FRMD4B: variants seen among roughly 807,000 people sequenced by gnomAD.
FRMD4B encodes FERM domain containing 4B.
A neutral mutation model predicts 141.5 loss-of-function variants in FRMD4B; 74 were observed. That is an observed-to-expected ratio of 0.52 (90% CI 0.43 to 0.63). The LOEUF is 0.63. Among genes scored for constraint, FRMD4B ranks in the 30% least tolerant of loss-of-function variants. The pLI is 0.00. For synonymous variants in FRMD4B, 506 were observed against 467.9 expected, an observed-to-expected ratio of 1.08 and a Z score of -1.05; for missense variants, 1,366 against 1,253.4, an observed-to-expected ratio of 1.09 and a Z score of -1.36.
chr3:69,330,089 G>T lies in FRMD4B; in HGVS notation c.163-16572C>A, dbSNP rs1702315866. ...GGAATGTAAGTTCCACAAATGCAGA[G>T]ATTTGTTTCATTTCCTGGTGTTTTC... is the stretch of plus-strand genomic sequence containing the variant. On this transcript the variant is annotated intron_variant, in intron 1 of 22. Transcript: ENST00000398540. Among the ~76,000 whole-genome samples, 3 of 152,102 alleles carry T rather than the reference G, an allele frequency of 2.0e-5. No homozygotes were observed. The South Asian group carries it at 6.2e-4, about 32-fold the overall frequency.
chr3:69,342,825 A>T (rs977055944), intron 1 of FRMD4B, among the ~76,000 whole-genome samples: 2 of 152,186 alleles, frequency 1.3e-5, no homozygotes, highest in African/African-American at 4.8e-5. Context: ...GTCACCCTAT[A>T]GTGCTATACA....
intron 7 of FRMD4B, among the ~76,000 whole-genome samples, chr3:69,247,550 G>A (rs773774839): frequency 1.3e-5 from 2 of 152,098 alleles, no homozygotes; most frequent in Non-Finnish European, 2.9e-5. Context: ...GCAGTGGCGC[G>A]ATCTTGGCTC....
chr3:69,482,084 A>G (rs573590741), intron 1 of FRMD4B, among the ~76,000 whole-genome samples: 52 of 152,326 alleles, frequency 3.4e-4, no homozygotes, highest in African/African-American at 1.1e-3. Flanking sequence ...CTGTTTGGGG[A>G]CAAAAATCAT....
At chr3:69,365,505 G>GT (rs1553730860) in intron 1 of FRMD4B, among the ~76,000 whole-genome samples, 12 of 137,862 alleles carry the variant, frequency 8.7e-5, no homozygotes, top group Non-Finnish European at 1.8e-4. Context: ...TACAACCTTT[G>GT]TTTTTTTTCT....
intron 11 of FRMD4B, among the ~76,000 whole-genome samples, chr3:69,203,216 A>G (rs1489721222): frequency 6.7e-6 from 1 of 150,218 alleles, no homozygotes; most frequent in East Asian, 2.0e-4. Flanking sequence ...GTTAGATTCC[A>G]CTCACTTTTA....
intron 5 of FRMD4B, among the ~76,000 whole-genome samples, chr3:69,279,990 T>G (rs942441431): frequency 1.3e-5 from 2 of 152,036 alleles, no homozygotes; most frequent in Non-Finnish European, 2.9e-5. Flanking sequence ...GTCTTCAGAT[T>G]GCTGATTTAA....
At chr3:69,323,165 G>C (rs1455405216) in intron 1 of FRMD4B, 1 of 164,332 alleles carries the variant, frequency 6.1e-6, no homozygotes, top group African/African-American at 2.4e-5. Context: ...GTTTGCCAAA[G>C]CTGAAATTGA....
chr3:69,216,857 T>C (rs958267391), intron 10 of FRMD4B, among the ~76,000 whole-genome samples: 18 of 152,308 alleles, frequency 1.2e-4, no homozygotes, highest in African/African-American at 2.2e-4. Context: ...TAAGTTGAAA[T>C]AGTCCAGGAC....
intron 5 of FRMD4B, 56 bp downstream of exon 5, chr3:69,287,696 C>G: frequency 1.2e-6 from 1 of 858,350 alleles, no homozygotes; most frequent in Non-Finnish European, 2.0e-6. Context: ...CCATTTCTTC[C>G]TGTCATCCCA....
rs796607832 is a variant in FRMD4B at position 69,203,320 on chromosome 3, CAAAAAAAAAAAAAA to C, written c.877-4560_877-4547del. 3.2e-3 allele frequency among the ~76,000 whole-genome samples: 346 copies of C among 107,906 alleles called. 3 individuals carry two copies. Among genetic ancestry groups the C allele is most frequent in the African/African-American group, 0.013 (341 of 26,778 alleles). 70.8% of individuals were successfully genotyped at this position (107,906 alleles called of 152,430 possible). A position where few individuals can be genotyped will look rare whatever the true frequency, so the allele number is the denominator to read the frequency against. On this transcript the variant is annotated intron_variant, in intron 11 of 22. Coordinates refer to ENST00000398540, the MANE Select transcript of FRMD4B (RefSeq NM_015123.3). ...ATCTGAGGGTACTGTCAAACTTCAG[CAAAAAAAAAAAAAA>C]AAAAAAAAAAGAAAGAAAGAAAGAA...
At chr3:69,438,896 G>T (rs1018829002) in intron 1 of FRMD4B, among the ~76,000 whole-genome samples, 25 of 152,034 alleles carry the variant, frequency 1.6e-4, no homozygotes, top group Admixed American at 1.6e-3. Context: ...ACTAACAAAC[G>T]TTGTTTTTCA....
At chr3:69,460,539 T>A (rs950909020) in intron 1 of FRMD4B, among the ~76,000 whole-genome samples, 2 of 152,186 alleles carry the variant, frequency 1.3e-5, no homozygotes, top group African/African-American at 4.8e-5. Context: ...CACACCAGAA[T>A]CTTCTGGAAA....
intron 11 of FRMD4B, among the ~76,000 whole-genome samples, chr3:69,205,400 G>A (rs191441826): frequency 9.6e-4 from 146 of 152,126 alleles, no homozygotes; most frequent in Non-Finnish European, 1.7e-3. Context: ...GTAGAGATGG[G>A]GTCTTCCTGT....
intron 1 of FRMD4B, among the ~76,000 whole-genome samples, chr3:69,444,137 C>A (rs559858308): frequency 6.6e-6 from 1 of 152,274 alleles, no homozygotes; most frequent in African/African-American, 2.4e-5. Flanking sequence ...ATTCCCTAGC[C>A]CCCTGCCCAC....
Position 69,176,569 on chromosome 3 carries a change from G to T in FRMD4B, c.2939C>A (p.Thr980Asn). 1 of 1,611,548 alleles carries T rather than the reference G, an allele frequency of 6.2e-7. No homozygotes were observed. ...DYETPAHSSY[T>N]SCYGNVYNPL... ...ATTATAGACATTGCCATAGCAGCTGGTGTAAGAAGAATGTGCTGGAGTCTC... is the reference window on the plus strand; with the variant it reads ...ATTATAGACATTGCCATAGCAGCTGTTGTAAGAAGAATGTGCTGGAGTCTC... Residue 980 changes from threonine to asparagine, a missense_variant, in exon 22 of 23, where the codon ACC becomes AAC. Physicochemically the swap from Thr to Asn is moderately conservative, Grantham distance 65 (BLOSUM62 0). Transcript: ENST00000398540.
rs182107648 is a variant in FRMD4B at position 69,367,418 on chromosome 3, A to G, written c.162+18410T>C. 7.9e-5 allele frequency among the ~76,000 whole-genome samples: 12 copies of G among 152,270 alleles called. No individual in the cohort carries two copies. The East Asian group carries it at 2.3e-3, about 29-fold the overall frequency. Reference sequence around the variant, plus strand: ...CATACATGAACACATACATACACACATTGCTTGCATATATCCATAACAATA... The same window carrying G: ...CATACATGAACACATACATACACACGTTGCTTGCATATATCCATAACAATA... On this transcript the variant is annotated intron_variant, in intron 1 of 22. Coordinates refer to ENST00000398540, the MANE Select transcript of FRMD4B (RefSeq NM_015123.3).
chr3:69,313,286 T>C (rs762848384), intron 2 of FRMD4B, among the ~76,000 whole-genome samples, 166 bp downstream of exon 2: 1 of 152,244 alleles, frequency 6.6e-6, no homozygotes, highest in Non-Finnish European at 1.5e-5. Flanking sequence ...AGATGTTTTT[T>C]TCCCCTTGAT....
At chr3:69,182,910 G>A (rs1363834768) in intron 19 of FRMD4B, among the ~76,000 whole-genome samples, 193 bp from the exon 20 acceptor site, 2 of 152,130 alleles carry the variant, frequency 1.3e-5, no homozygotes, top group African/African-American at 4.8e-5. Flanking sequence ...CATATGGTCT[G>A]ACTTTCTGAG....
rs577275162 is a variant in FRMD4B at position 69,215,284 on chromosome 3, CTTTTT to C, written c.876+974_876+978del. Among the ~76,000 whole-genome samples, 44 of 45,218 alleles carry C rather than the reference CTTTTT, an allele frequency of 9.7e-4. 1 individual carries two copies. Among genetic ancestry groups the C allele is most frequent in the Admixed American group, 2.2e-3 (5 of 2,264 alleles). 29.7% of individuals were successfully genotyped at this position (45,218 alleles called of 152,430 possible). A position where few individuals can be genotyped will look rare whatever the true frequency, so the allele number is the denominator to read the frequency against. On this transcript the variant is annotated intron_variant, in intron 11 of 22. Coordinates refer to ENST00000398540, the MANE Select transcript of FRMD4B (RefSeq NM_015123.3). ...TCCAAATCTGATAGATTGTGACCCT[CTTTTT>C]TTTTTTTTTTTTTTTTTTTTTGAGA...
Sources: allele counts gnomAD v4.1 joint callset (sites outside exome capture counted in the v4.1 genomes callset), GRCh38; gene constraint gnomAD v4.1.1; transcripts MANE v1.5; gene names NCBI Gene and HGNC (gene_info 2026-07-23, HGNC 2026-07-21).